Variants in TEX15 observed in about 807,000 individuals in gnomAD.
TEX15 encodes testis expressed 15, meiosis and synapsis associated.
In TEX15, 171 loss-of-function variants were observed where a neutral mutation model predicts 237.3. The observed-to-expected ratio is 0.72, with a 90% CI of 0.64 to 0.82. The LOEUF is 0.82. Ranked by LOEUF, TEX15 falls within the 40% of genes least tolerant of loss-of-function variation. The probability of loss-of-function intolerance (pLI) is 0.00; values close to 1 mark genes in which losing one functional copy is unlikely to be tolerated. For missense variants in TEX15, 3,750 were observed against 3,646.5 expected (o/e 1.03, Z -0.73); for synonymous variants, 1,338 against 1,269.8 (o/e 1.05, Z -1.14).
chr8:30,874,405 T>G (rs1251610058), intron 4 of TEX15, among the ~76,000 whole-genome samples: 1 of 152,220 alleles, frequency 6.6e-6, no homozygotes, highest in Non-Finnish European at 1.5e-5. Flanking sequence ...TATGCTCTTA[T>G]TCTTATCAAA....
At chr8:30,889,712 G>A (rs977448792) in intron 2 of TEX15, among the ~76,000 whole-genome samples, 4 of 151,746 alleles carry the variant, frequency 2.6e-5, no homozygotes, top group Admixed American at 6.6e-5. Flanking sequence ...TAGGAATAAC[G>A]TCTCTTTAAC....
intron 4 of TEX15, among the ~76,000 whole-genome samples, chr8:30,873,498 C>T (rs1808337417): frequency 6.6e-6 from 1 of 152,070 alleles, no homozygotes; most frequent in Non-Finnish European, 1.5e-5. Context: ...AGGATCTGTG[C>T]CCTAAGGTAC....
At chr8:30,857,844 C>T (rs1246579900) in intron 7 of TEX15, among the ~76,000 whole-genome samples, 1 of 152,094 alleles carries the variant, frequency 6.6e-6, no homozygotes, top group Non-Finnish European at 1.5e-5. Flanking sequence ...AATAACATAT[C>T]ACACTCATTA....
At chr8:30,869,513 G>C (rs368731269) in intron 4 of TEX15, among the ~76,000 whole-genome samples, 2 of 151,940 alleles carry the variant, frequency 1.3e-5, no homozygotes, top group Non-Finnish European at 2.9e-5. Flanking sequence ...AATTTCCACC[G>C]TGTGTTTTAT....
intron 1 of TEX15, among the ~76,000 whole-genome samples, chr8:30,910,479 G>A (rs1396607967): frequency 6.6e-6 from 1 of 152,052 alleles, no homozygotes; most frequent in East Asian, 1.9e-4. Context: ...CATAGAGTCT[G>A]ACTCTGTTGC....
chr8:30,858,247 A>G (rs994307300), intron 7 of TEX15, among the ~76,000 whole-genome samples: 4 of 152,352 alleles, frequency 2.6e-5, no homozygotes, highest in East Asian at 1.9e-4. Context: ...TTCTAGATCT[A>G]TAAAATGTAA....
At chr8:30,900,264 T>C (rs999660645) in intron 1 of TEX15, among the ~76,000 whole-genome samples, 1 of 152,162 alleles carries the variant, frequency 6.6e-6, no homozygotes, top group Non-Finnish European at 1.5e-5. Context: ...TAAAAAGAAA[T>C]AATCAGGGAC....
intron 1 of TEX15, among the ~76,000 whole-genome samples, chr8:30,907,695 A>T (rs1253654903): frequency 7.6e-6 from 1 of 131,182 alleles, no homozygotes; most frequent in Non-Finnish European, 1.7e-5. Flanking sequence ...TTTTATATAT[A>T]AAATACATAT....
Position 30,843,496 on chromosome 8 carries a change from T to C in TEX15, c.6671A>G (p.Asp2224Gly), listed in dbSNP as rs1387685050. 2 of 1,612,808 alleles carry C rather than the reference T, an allele frequency of 1.2e-6. No homozygotes were observed. Among genetic ancestry groups the C allele is most frequent in the South Asian group, 1.1e-5 (1 of 90,966 alleles). ...TGGATACGAATGAACTTTAGGAGAGTCCCCACATACATTGATCAACTTTAA... is the reference window on the plus strand; with the variant it reads ...TGGATACGAATGAACTTTAGGAGAGCCCCCACATACATTGATCAACTTTAA... ...STLKLINVCG[D>G]SPKVHSYPGK... The change falls in exon 8 of 11, where the codon GAC (aspartate) becomes GGC (glycine). Residue 2224 changes from aspartate (D) to glycine (G), a missense_variant. Physicochemically the swap from Asp to Gly is moderately conservative, Grantham distance 94. Coordinates refer to ENST00000643185, the MANE Select transcript of TEX15 (RefSeq NM_001350162.2).
intron 10 of TEX15, among the ~76,000 whole-genome samples, chr8:30,835,493 G>C (rs989159322): frequency 5.3e-5 from 8 of 152,170 alleles, no homozygotes; most frequent in African/African-American, 1.9e-4. Context: ...AGGACAGCTT[G>C]AGCCCAGGAG....
Position 30,907,676 on chromosome 8 carries a change from T to G in TEX15, c.-86+5203A>C, listed in dbSNP as rs149222101. 6.0e-4 allele frequency among the ~76,000 whole-genome samples: 81 copies of G among 135,612 alleles called. 1 individual carries two copies. Among genetic ancestry groups the G allele is most frequent in the South Asian group, 4.9e-3 (22 of 4,448 alleles). 89.0% of individuals were successfully genotyped at this position (135,612 alleles called of 152,430 possible). Reference sequence around the variant, plus strand: ...TTATATATAATTTATATATAAATTATATATAAAATTTTATATATAAAATAC... The same window carrying G: ...TTATATATAATTTATATATAAATTAGATATAAAATTTTATATATAAAATAC... On this transcript the variant is annotated intron_variant, in intron 1 of 10. Coordinates refer to ENST00000643185, the MANE Select transcript of TEX15 (RefSeq NM_001350162.2).
intron 1 of TEX15, among the ~76,000 whole-genome samples, chr8:30,907,630 ATTTTATATCTAAT>A (rs1272585181): frequency 6.9e-6 from 1 of 144,750 alleles, no homozygotes; most frequent in Non-Finnish European, 1.5e-5. Context: ...TTATATATAA[ATTTTATATCTAAT>A]TTATATATTA....
intron 4 of TEX15, among the ~76,000 whole-genome samples, chr8:30,872,860 AAGTT>A (rs767929489): frequency 3.9e-5 from 6 of 152,230 alleles, no homozygotes; most frequent in Non-Finnish European, 7.3e-5. Flanking sequence ...AAGGGTCAAA[AAGTT>A]AGACTTTTAA....
Position 30,847,724 on chromosome 8 carries a change from C to G in TEX15, c.2443G>C (p.Val815Leu). ...TCTCTCTGAATGTTCTCTAATGACACTGGTTCATTTTCATTTTTCCTATGG... is the reference window on the plus strand; with the variant it reads ...TCTCTCTGAATGTTCTCTAATGACAGTGGTTCATTTTCATTTTTCCTATGG... ...CVHRKNENEP[V>L]SLENIQRDYK... The change falls in exon 8 of 11, where the codon GTG becomes CTG. Residue 815 changes from valine to leucine, a missense_variant. Transcript: ENST00000643185. 6 of 1,613,786 alleles carry G rather than the reference C, an allele frequency of 3.7e-6. No individual in the cohort carries two copies. Among genetic ancestry groups the G allele is most frequent in the Non-Finnish European group, 3.4e-6 (4 of 1,179,914 alleles).
chr8:30,876,068 G>A (rs1263569490), intron 3 of TEX15, among the ~76,000 whole-genome samples: 1 of 151,948 alleles, frequency 6.6e-6, no homozygotes, highest in East Asian at 1.9e-4. Context: ...CTCCAACCTT[G>A]GCCTCCCAAA....
At position 30,849,088 on chromosome 8, in the gene TEX15, T is replaced by G. The variant is rs764558454; in HGVS notation, c.1079A>C (p.Gln360Pro). The G allele has an allele frequency of 3.7e-6, 6 of 1,613,252 alleles. No individual in the cohort carries two copies. Among genetic ancestry groups the G allele is most frequent in the South Asian group, 1.1e-5 (1 of 91,048 alleles). ...AATTTCTGCTAAACTGTGCTCTGTCTGTCCACTGTATGTTTCAGGTATAGA... is the reference window on the plus strand; with the variant it reads ...AATTTCTGCTAAACTGTGCTCTGTCGGTCCACTGTATGTTTCAGGTATAGA... The part of the protein sequence containing the change: ...NISIPETYSG[Q>P]TEHSLAEIRD... Residue 360 changes from glutamine to proline, a missense_variant, in exon 8 of 11, where the codon CAG (glutamine) becomes CCG (proline). Gln to Pro is a moderately conservative substitution (Grantham distance 76, BLOSUM62 -1). Coordinates refer to ENST00000643185, the MANE Select transcript of TEX15 (RefSeq NM_001350162.2).
At chr8:30,905,831 A>G (rs535615616) in intron 1 of TEX15, among the ~76,000 whole-genome samples, 56 of 151,646 alleles carry the variant, frequency 3.7e-4, no homozygotes, top group Admixed American at 1.1e-3. Context: ...TTGAGCTCAG[A>G]AGGTGGCTGT....
At chr8:30,910,187 C>A (rs1318761504) in intron 1 of TEX15, among the ~76,000 whole-genome samples, 1 of 151,144 alleles carries the variant, frequency 6.6e-6, no homozygotes, top group South Asian at 2.1e-4. Flanking sequence ...AAAAAAAAAA[C>A]TTTAAAGTGC....
At chr8:30,912,056 G>A (rs1585321890) in intron 1 of TEX15, among the ~76,000 whole-genome samples, 2 of 152,282 alleles carry the variant, frequency 1.3e-5, no homozygotes, top group Middle Eastern at 6.8e-3. Flanking sequence ...ACCGCATCCC[G>A]GGCGCGCCAG....
Sources: allele counts gnomAD v4.1 joint callset (sites outside exome capture counted in the v4.1 genomes callset), GRCh38; gene constraint gnomAD v4.1.1; transcripts MANE v1.5; gene names NCBI Gene and HGNC (gene_info 2026-07-23, HGNC 2026-07-21).